KYNU: variants seen among roughly 807,000 people sequenced by gnomAD.
The protein encoded by KYNU is kynureninase.
In KYNU, 54 loss-of-function variants were observed where a neutral mutation model predicts 59.2. That is an observed-to-expected ratio of 0.91 (90% confidence interval 0.73 to 1.14). The LOEUF (loss-of-function observed/expected upper bound fraction) is 1.14, where lower values mean the gene tolerates loss of function less well. KYNU is among the 50% of genes most tolerant of loss of function. The pLI is 0.00. For missense variants in KYNU, 567 were observed against 554.4 expected (o/e 1.02, Z -0.23); for synonymous variants, 177 against 192.0 (o/e 0.92, Z 0.65).
In KYNU at chr2:143,043,050, T is replaced by G. The variant is rs536942577; in HGVS notation, c.*878T>G. 3.3e-5 allele frequency: 5 copies of G among 152,112 alleles called. No individual in the cohort carries two copies. The South Asian group carries it at 1.0e-3, about 31-fold the overall frequency. 9.4% of individuals were successfully genotyped at this position (152,112 alleles called of 1,614,324 possible). ...ATGTTGGAAACTCATTATATTGATT[T>G]CCTTACCCACTCATGGGCCCTAATT... On this transcript the variant is annotated 3_prime_UTR_variant, in exon 14 of 14. Transcript: ENST00000264170.
At chr2:143,014,726 C>A (rs867564381) in intron 10 of KYNU, among the ~76,000 whole-genome samples, 1 of 152,132 alleles carries the variant, frequency 6.6e-6, no homozygotes, top group African/African-American at 2.4e-5. Flanking sequence ...GAGCAAAATT[C>A]TTAATACATT....
intron 8 of KYNU, among the ~76,000 whole-genome samples, chr2:142,977,372 GATATAT>G (rs70997538): frequency 2.3e-5 from 3 of 131,152 alleles, no homozygotes; most frequent in African/African-American, 8.7e-5. Context: ...ATTTTGTGTG[GATATAT>G]ATATATATGA....
intron 2 of KYNU, among the ~76,000 whole-genome samples, chr2:142,891,175 A>G (rs1681697940): frequency 6.6e-6 from 1 of 152,210 alleles, no homozygotes; most frequent in African/African-American, 2.4e-5. Flanking sequence ...TATGGACCAT[A>G]AAATTCATCC....
chr2:142,981,025 T>C (rs968835688), intron 8 of KYNU, among the ~76,000 whole-genome samples: 1 of 152,146 alleles, frequency 6.6e-6, no homozygotes, highest in Non-Finnish European at 1.5e-5. Context: ...GATATTCATG[T>C]TTGTATCTTC....
At chr2:143,038,895 C>T (rs1686961633) in intron 12 of KYNU, among the ~76,000 whole-genome samples, 1 of 152,146 alleles carries the variant, frequency 6.6e-6, no homozygotes, top group Admixed American at 6.6e-5. Context: ...GATATCTTTG[C>T]TCATGACACA....
intron 2 of KYNU, among the ~76,000 whole-genome samples, chr2:142,902,701 G>T (rs13401468): frequency 2.6e-5 from 4 of 152,196 alleles, no homozygotes; most frequent in Non-Finnish European, 4.4e-5. Flanking sequence ...GTTTAAAAGC[G>T]CTTGGGTGGC....
intron 12 of KYNU, among the ~76,000 whole-genome samples, chr2:143,035,802 G>A (rs1686878468): frequency 6.6e-6 from 1 of 152,022 alleles, no homozygotes; most frequent in South Asian, 2.1e-4. Flanking sequence ...TTGAGACAGG[G>A]TCCCCTTCTG....
chr2:143,027,307 T>C (rs1277378571), intron 10 of KYNU, among the ~76,000 whole-genome samples: 1 of 152,266 alleles, frequency 6.6e-6, no homozygotes, highest in African/African-American at 2.4e-5. Flanking sequence ...ATTACTTATT[T>C]ATTATCATTA....
At chr2:143,015,763 A>G (rs1244893087) in intron 10 of KYNU, among the ~76,000 whole-genome samples, 1 of 152,056 alleles carries the variant, frequency 6.6e-6, no homozygotes, top group East Asian at 1.9e-4. Context: ...TTCCCCTCAA[A>G]TTAAGACTTT....
In KYNU at chr2:142,964,150, A is replaced by G. The variant is rs535612003; in HGVS notation, c.729+3380A>G. 6.6e-5 allele frequency among the ~76,000 whole-genome samples: 10 copies of G among 151,772 alleles called. No homozygotes were observed. The South Asian group carries it at 1.7e-3, about 25-fold the overall frequency. ...TTTTTCTATTTCAGTGTATTTTTAC[A>G]TAGTATGAAATAGATCACAGGTTTT... On this transcript the variant is annotated intron_variant, in intron 8 of 13. Transcript: ENST00000264170.
At chr2:142,962,820 A>G (rs1684394570) in intron 8 of KYNU, among the ~76,000 whole-genome samples, 1 of 152,206 alleles carries the variant, frequency 6.6e-6, no homozygotes, top group African/African-American at 2.4e-5. Context: ...TCCTCCTATT[A>G]TCAACCAAGG....
At chr2:143,015,903 C>G (rs746119195) in intron 10 of KYNU, among the ~76,000 whole-genome samples, 11 of 152,206 alleles carry the variant, frequency 7.2e-5, no homozygotes, top group Non-Finnish European at 1.5e-4. Context: ...TTGAATTTAA[C>G]TCAGTGGCTC....
At chr2:142,933,362 G>A (rs1194789969) in intron 4 of KYNU, among the ~76,000 whole-genome samples, 1 of 152,148 alleles carries the variant, frequency 6.6e-6, no homozygotes, top group Non-Finnish European at 1.5e-5. Context: ...CAGAGTAGAC[G>A]GAAAGGTTGG....
In KYNU at chr2:142,909,785, T is replaced by G. The variant is rs769301515; in HGVS notation, c.170-8824T>G. ...TCTACAAATGCTTGTGTTTTCCTAG[T>G]AGAACAATGTATTTTTCTTTAGGTA... On this transcript the variant is annotated intron_variant, in intron 2 of 13. Transcript: ENST00000264170. Among the ~76,000 whole-genome samples the G allele has an allele frequency of 1.3e-4, 20 of 152,164 alleles. 1 individual carries two copies. The highest frequency in any genetic ancestry group is 1.3e-4 in the Non-Finnish European group (9 of 68,022).
intron 2 of KYNU, among the ~76,000 whole-genome samples, chr2:142,910,548 C>A (rs144061896): frequency 2.7e-4 from 41 of 152,170 alleles, no homozygotes; most frequent in African/African-American, 9.6e-4. Context: ...CTGATAGTTT[C>A]TTTTGCTGTG....
chr2:143,044,113 G>A lies in KYNU; in HGVS notation c.*1941G>A, dbSNP rs982969372. On this transcript the variant is annotated 3_prime_UTR_variant, in exon 14 of 14. Transcript: ENST00000264170. ...TGATTTTCTGTTCCTCTGTTAGTTT[G>A]CTGAGAATGATGGTTTCCAGCTTCA... 6.6e-6 allele frequency: 1 copy of A among 152,032 alleles called. No homozygotes were observed. Among genetic ancestry groups the A allele is most frequent in the Non-Finnish European group, 1.5e-5 (1 of 68,028 alleles). The allele number at this position is 152,032 out of a possible 1,614,324, so 9.4% of individuals were successfully genotyped here. A position where few individuals can be genotyped will look rare whatever the true frequency, so the allele number is the denominator to read the frequency against.
chr2:142,985,038 C>G lies in KYNU; in HGVS notation c.730-46C>G, dbSNP rs770691914. ...TTAAAAATATTTGTACTTATTATTT[C>G]TAATCATGAAGCAAACTTAAAGCTT... On this transcript the variant is annotated intron_variant, in intron 8 of 13. Coordinates refer to ENST00000264170, the MANE Select transcript of KYNU (RefSeq NM_003937.3). 6 of 1,073,664 alleles carry G rather than the reference C, an allele frequency of 5.6e-6. No homozygotes were observed. In the African/African-American group the frequency reaches 9.3e-5, roughly 17 times the overall value. 66.5% of individuals were successfully genotyped at this position (1,073,664 alleles called of 1,614,324 possible).
chr2:142,960,364 A>G (rs1054913109), intron 7 of KYNU, among the ~76,000 whole-genome samples: 1 of 152,222 alleles, frequency 6.6e-6, no homozygotes. Context: ...TTAATTTTTA[A>G]AAACTGGAGA....
intron 10 of KYNU, among the ~76,000 whole-genome samples, chr2:142,994,673 A>T (rs1451189028): frequency 6.6e-6 from 1 of 152,090 alleles, no homozygotes; most frequent in African/African-American, 2.4e-5. Context: ...TAAGTTTATT[A>T]TAGATTGAAA....
Sources: gnomAD v4.1 joint callset for allele counts (sites outside exome capture counted in the v4.1 genomes callset) on GRCh38, gnomAD v4.1.1 for gene constraint, MANE v1.5 for transcripts, NCBI Gene and HGNC (gene_info 2026-07-23, HGNC 2026-07-21) for gene names.